SNRNP48: variants seen among roughly 807,000 people sequenced by gnomAD.
The protein encoded by SNRNP48 is U11/U12 small nuclear ribonucleoprotein 48 kDa protein.
Under a neutral mutation model 47.0 loss-of-function variants are expected in SNRNP48, and 43 were observed. The ratio of observed to expected loss-of-function variants is 0.92; its 90% CI spans 0.72 to 1.18. The LOEUF (loss-of-function observed/expected upper bound fraction) is 1.18, where lower values mean the gene tolerates loss of function less well. Among genes scored for constraint, SNRNP48 ranks in the 50% most tolerant of loss-of-function variants. SNRNP48 has a pLI of 0.00. For missense variants in SNRNP48, 396 were observed against 422.2 expected, an observed-to-expected ratio of 0.94 and a Z score of 0.54; for synonymous variants, 138 against 144.0, an observed-to-expected ratio of 0.96 and a Z score of 0.30.
chr6:7,601,231 T>C (rs1760013352), intron 4 of SNRNP48, 105 bp from the exon 5 acceptor site: 2 of 846,140 alleles, frequency 2.4e-6, no homozygotes, highest in South Asian at 4.1e-5. Context: ...AAAAAGTTTG[T>C]GTTAATATTG....
At chr6:7,608,148 G>T (rs961689158) in intron 8 of SNRNP48, among the ~76,000 whole-genome samples, 16 of 152,102 alleles carry the variant, frequency 1.1e-4, no homozygotes, top group Non-Finnish European at 1.9e-4. Context: ...CAACCCTGGG[G>T]TGGACTGAAT....
At chr6:7,605,936 A>C (rs1046174749) in intron 7 of SNRNP48, 95 bp from the exon 8 acceptor site, 1 of 1,269,026 alleles carries the variant, frequency 7.9e-7, no homozygotes, top group Non-Finnish European at 1.1e-6. Context: ...CATTGGTTTG[A>C]TATAGAATAT....
At chr6:7,598,022 G>A (rs143290251) in intron 4 of SNRNP48, among the ~76,000 whole-genome samples, 2 of 151,440 alleles carry the variant, frequency 1.3e-5, no homozygotes, top group South Asian at 2.1e-4. Context: ...CTGCCACCAC[G>A]CCTGGCTAAT....
chr6:7,605,277 C>T, intron 6 of SNRNP48, 121 bp from the exon 7 acceptor site: 1 of 728,624 alleles, frequency 1.4e-6, no homozygotes, highest in South Asian at 1.8e-5. Context: ...ACAAGTCCCA[C>T]AGTCAATTAT....
At chr6:7,599,883 G>A in intron 4 of SNRNP48, 2 of 1,003,510 alleles carry the variant, frequency 2.0e-6, no homozygotes, top group African/African-American at 1.7e-5. Context: ...AATTTAAGAT[G>A]AATAAATTGA....
intron 6 of SNRNP48, among the ~76,000 whole-genome samples, chr6:7,603,526 T>G (rs541090639): frequency 6.6e-6 from 1 of 152,356 alleles, no homozygotes; most frequent in South Asian, 2.1e-4. Flanking sequence ...GCATGTCTCT[T>G]AAACTATATC....
chr6:7,598,750 GTA>G (rs1759957019), intron 4 of SNRNP48, among the ~76,000 whole-genome samples: 1 of 152,084 alleles, frequency 6.6e-6, no homozygotes, highest in Non-Finnish European at 1.5e-5. Context: ...GGTTTTATAT[GTA>G]TGTTTTCATT....
chr6:7,598,219 G>A (rs1207227072), intron 4 of SNRNP48, among the ~76,000 whole-genome samples: 3 of 151,234 alleles, frequency 2.0e-5, no homozygotes, highest in East Asian at 4.0e-4. Flanking sequence ...TTTTGGCCAC[G>A]TGTGGTGGCT....
intron 8 of SNRNP48, among the ~76,000 whole-genome samples, chr6:7,607,037 G>A (rs898946994): frequency 3.3e-5 from 5 of 152,136 alleles, no homozygotes; most frequent in South Asian, 4.1e-4. Flanking sequence ...CTTCCGTGGC[G>A]GTCTGGCATG....
intron 1 of SNRNP48, 96 bp from the exon 2 acceptor site, chr6:7,593,638 C>G (rs1355472965): frequency 4.2e-6 from 3 of 720,540 alleles, no homozygotes; most frequent in Non-Finnish European, 6.4e-6. Flanking sequence ...ATGCACTATA[C>G]AGTACTGGTA....
chr6:7,601,078 C>T (rs1214767944), intron 4 of SNRNP48: 2 of 276,136 alleles, frequency 7.2e-6, no homozygotes, highest in Non-Finnish European at 6.7e-6. Flanking sequence ...CTGCCTGCCT[C>T]CATGGGATCT....
intron 4 of SNRNP48, chr6:7,600,074 A>G (rs1212570586): frequency 2.6e-5 from 26 of 998,018 alleles, no homozygotes; most frequent in Non-Finnish European, 3.1e-5. Flanking sequence ...ATAATTTTGT[A>G]TTATGAAATG....
intron 4 of SNRNP48, chr6:7,599,853 A>G (rs747868376): frequency 8.9e-5 from 96 of 1,075,874 alleles, no homozygotes; most frequent in South Asian, 5.7e-4. Flanking sequence ...GAATTTAAGT[A>G]TCAGTCTTCA....
chr6:7,609,485 A>G lies in SNRNP48; in HGVS notation c.*612A>G, dbSNP rs1760192497. The stretch of plus-strand genomic sequence containing the variant: ...TGAAAATAGCAAGTTGTAGAAAGTT[A>G]TATACAAATTATATATATGTACAAA... On this transcript the variant is annotated 3_prime_UTR_variant, in exon 9 of 9. Coordinates refer to ENST00000342415, the MANE Select transcript of SNRNP48 (RefSeq NM_152551.4). 6.6e-6 allele frequency: 1 copy of G among 152,222 alleles called. No homozygotes were observed. The highest frequency in any genetic ancestry group is 2.4e-5 in the African/African-American group (1 of 41,458). 9.4% of individuals were successfully genotyped at this position (152,222 alleles called of 1,614,324 possible). A position where few individuals can be genotyped will look rare whatever the true frequency, so the allele number is the denominator to read the frequency against.
At chr6:7,606,971 G>A (rs980104825) in intron 8 of SNRNP48, among the ~76,000 whole-genome samples, 1 of 152,162 alleles carries the variant, frequency 6.6e-6, no homozygotes. Flanking sequence ...TAAATTTACT[G>A]CATATGATTC....
chr6:7,597,740 A>G (rs896748304), intron 4 of SNRNP48, among the ~76,000 whole-genome samples: 1 of 152,210 alleles, frequency 6.6e-6, no homozygotes, highest in Admixed American at 6.5e-5. Context: ...AGTTCTTTTC[A>G]AAAGCAAAGA....
intron 6 of SNRNP48, among the ~76,000 whole-genome samples, chr6:7,604,291 G>A (rs1760085464): frequency 6.6e-6 from 1 of 152,204 alleles, no homozygotes; most frequent in African/African-American, 2.4e-5. Context: ...TTTTCCATGG[G>A]AGAATATAGT....
chr6:7,603,762 A>G (rs1156317797), intron 6 of SNRNP48, among the ~76,000 whole-genome samples: 1 of 152,184 alleles, frequency 6.6e-6, no homozygotes, highest in Non-Finnish European at 1.5e-5. Context: ...TGTGTTTTAG[A>G]CTTAACTTAG....
At chr6:7,592,403 G>A (rs1477052137) in intron 1 of SNRNP48, among the ~76,000 whole-genome samples, 1 of 151,562 alleles carries the variant, frequency 6.6e-6, no homozygotes, top group Non-Finnish European at 1.5e-5. Context: ...GAAGGCAGTG[G>A]GGAGGTATGG....
Sources: gnomAD v4.1 joint callset for allele counts (sites outside exome capture counted in the v4.1 genomes callset) on GRCh38, gnomAD v4.1.1 for gene constraint, MANE v1.5 for transcripts, NCBI Gene and HGNC (gene_info 2026-07-23, HGNC 2026-07-21) for gene names.